MEGF11: variants seen among roughly 807,000 people sequenced by gnomAD.
The protein encoded by MEGF11 is multiple EGF like domains 11, also known as multiple epidermal growth factor-like domains protein 11.
A neutral mutation model predicts 146.6 loss-of-function variants in MEGF11; 126 were observed. The ratio of observed to expected loss-of-function variants is 0.86; its 90% CI spans 0.74 to 1.00. MEGF11 has a LOEUF of 1.00. Ranked by LOEUF, MEGF11 falls within the 50% of genes least tolerant of loss-of-function variation. The pLI is 0.00. For synonymous variants in MEGF11, 532 were observed against 583.4 expected, an observed-to-expected ratio of 0.91 and a Z score of 1.27; for missense variants, 1,509 against 1,521.2, an observed-to-expected ratio of 0.99 and a Z score of 0.13.
intron 1 of MEGF11, among the ~76,000 whole-genome samples, chr15:66,178,170 A>G (rs2090442064): frequency 1.3e-5 from 2 of 151,360 alleles, no homozygotes; most frequent in Non-Finnish European, 2.9e-5. Context: ...TTTTTTGTAG[A>G]CGAGGGAATC....
At chr15:66,009,527 A>G (rs1278064978) in intron 5 of MEGF11, among the ~76,000 whole-genome samples, 1 of 151,614 alleles carries the variant, frequency 6.6e-6, no homozygotes, top group African/African-American at 2.4e-5. Context: ...AGGGGTGGGT[A>G]TTTCAAAAGC....
chr15:66,071,508 T>A (rs976720633), intron 5 of MEGF11, among the ~76,000 whole-genome samples: 2 of 152,242 alleles, frequency 1.3e-5, no homozygotes, highest in Non-Finnish European at 2.9e-5. Flanking sequence ...GCAAATTGTA[T>A]TGAATTATGA....
intron 17 of MEGF11, 49 bp downstream of exon 17, chr15:65,916,779 C>T (rs571468086): frequency 1.3e-6 from 2 of 1,598,294 alleles, no homozygotes; most frequent in South Asian, 1.1e-5. Flanking sequence ...GGCCAGTAGG[C>T]CGCAGCATGG....
At chr15:65,920,881 C>T (rs1417657648) in intron 15 of MEGF11, among the ~76,000 whole-genome samples, 3 of 152,188 alleles carry the variant, frequency 2.0e-5, no homozygotes, top group African/African-American at 2.4e-5. Context: ...AATCAGACAA[C>T]GCAGCATCTG....
At position 65,896,558 on chromosome 15, in the gene MEGF11, T is replaced by G. The variant is rs1240128931; in HGVS notation, c.*1376A>C. On this transcript the variant is annotated 3_prime_UTR_variant, in exon 26 of 26. Coordinates refer to ENST00000395614, the MANE Select transcript of MEGF11 (RefSeq NM_001385028.1). ...GAATAGAGTGGTACAGGAGTAGCCG[T>G]TAGCTTCCTAGGTTTGCCCTTTTTG... is the stretch of plus-strand genomic sequence containing the variant. 1.8e-4 allele frequency: 27 copies of G among 152,656 alleles called. No homozygotes were observed. Among genetic ancestry groups the G allele is most frequent in the Admixed American group, 1.8e-3 (27 of 15,284 alleles). The allele number at this position is 152,656 out of a possible 1,614,324, so 9.5% of individuals were successfully genotyped here.
At chr15:66,035,993 C>T (rs576189190) in intron 5 of MEGF11, among the ~76,000 whole-genome samples, 8 of 152,252 alleles carry the variant, frequency 5.3e-5, no homozygotes, top group South Asian at 2.1e-4. Context: ...CAGAGCACCC[C>T]GCCAGTGGCC....
At chr15:65,957,419 A>C in intron 10 of MEGF11, 128 bp downstream of exon 10, 1 of 858,596 alleles carries the variant, frequency 1.2e-6, no homozygotes, top group African/African-American at 1.7e-5. Flanking sequence ...TCCCCTCATG[A>C]AGTCTGTCTC....
At chr15:66,114,804 C>T (rs976684641) in intron 4 of MEGF11, among the ~76,000 whole-genome samples, 10 of 152,118 alleles carry the variant, frequency 6.6e-5, no homozygotes, top group Admixed American at 5.2e-4. Context: ...ACCTCTGGTA[C>T]GGATGGTTTC....
At chr15:66,231,362 G>C (rs541932007) in intron 1 of MEGF11, among the ~76,000 whole-genome samples, 18 of 151,866 alleles carry the variant, frequency 1.2e-4, no homozygotes, top group African/African-American at 4.4e-4. Context: ...CCAGGGAGAG[G>C]GGACGGTTAT....
chr15:66,085,344 C>T (rs911072368), intron 5 of MEGF11, among the ~76,000 whole-genome samples: 20 of 152,262 alleles, frequency 1.3e-4, no homozygotes, highest in Middle Eastern at 3.4e-3. Flanking sequence ...TTCTGGAAAG[C>T]GCCACCTCCT....
chr15:65,932,398 T>C (rs760203802), intron 10 of MEGF11, among the ~76,000 whole-genome samples: 12 of 152,114 alleles, frequency 7.9e-5, no homozygotes, highest in Non-Finnish European at 1.8e-4. Flanking sequence ...GGGGTGAATC[T>C]GGGCGTCCAC....
chr15:65,927,274 A>G (rs1468604702), intron 13 of MEGF11, among the ~76,000 whole-genome samples: 3 of 152,182 alleles, frequency 2.0e-5, no homozygotes, highest in African/African-American at 4.8e-5. Context: ...TCTGTATTTT[A>G]TGGATGGAGA....
At chr15:66,246,310 T>C (rs2092295865) in intron 1 of MEGF11, among the ~76,000 whole-genome samples, 3 of 152,082 alleles carry the variant, frequency 2.0e-5, no homozygotes, top group African/African-American at 7.2e-5. Flanking sequence ...TGCTTGAGTA[T>C]TGCAAGCAGA....
intron 5 of MEGF11, among the ~76,000 whole-genome samples, chr15:66,051,281 G>A (rs1345943459): frequency 6.6e-6 from 1 of 152,172 alleles, no homozygotes. Context: ...GTGTTGGCGG[G>A]AAGAAGGGTG....
At chr15:66,011,891 A>G (rs1383657354) in intron 5 of MEGF11, among the ~76,000 whole-genome samples, 2 of 152,156 alleles carry the variant, frequency 1.3e-5, no homozygotes, top group African/African-American at 4.8e-5. Flanking sequence ...AAAGAACACA[A>G]TAGCACATAA....
intron 5 of MEGF11, among the ~76,000 whole-genome samples, chr15:66,026,941 T>C (rs2083349118): frequency 6.6e-6 from 1 of 152,232 alleles, no homozygotes; most frequent in African/African-American, 2.4e-5. Context: ...TTATATGAAA[T>C]GTAAATTGAA....
intron 5 of MEGF11, among the ~76,000 whole-genome samples, chr15:66,040,714 C>T (rs980873911): frequency 6.6e-6 from 1 of 152,062 alleles, no homozygotes. Flanking sequence ...ATCTGGCTGT[C>T]GGAGCACTCA....
intron 2 of MEGF11, among the ~76,000 whole-genome samples, chr15:66,127,256 C>T (rs2088399066): frequency 6.6e-6 from 1 of 152,236 alleles, no homozygotes; most frequent in Admixed American, 6.5e-5. Flanking sequence ...AAAAGGGACA[C>T]ACCACAGTAC....
rs1489440636 is a variant in MEGF11 at position 65,980,767 on chromosome 15, G to A, written c.762+11C>T. On this transcript the variant is annotated intron_variant, in intron 7 of 25. Coordinates refer to ENST00000395614, the MANE Select transcript of MEGF11 (RefSeq NM_001385028.1). ...TCCAGTGCCCCACCCAGATCCTTTG[G>A]GCCCACTTACCGTCCAGCCTGGGGG... 1 of 1,589,978 alleles carries A rather than the reference G, an allele frequency of 6.3e-7. No homozygotes were observed. The highest frequency in any genetic ancestry group is 1.3e-5 in the African/African-American group (1 of 74,320).
Sources: allele counts gnomAD v4.1 joint callset (sites outside exome capture counted in the v4.1 genomes callset), GRCh38; gene constraint gnomAD v4.1.1; transcripts MANE v1.5; gene names NCBI Gene and HGNC (gene_info 2026-07-23, HGNC 2026-07-21).